The following SRPX2 variants were observed in gnomAD, a reference collection of about 807,000 sequenced individuals.
The protein encoded by SRPX2 is sushi repeat-containing protein SRPX2.
A neutral mutation model predicts 45.3 loss-of-function variants in SRPX2; 26 were observed. The observed-to-expected ratio is 0.57, with a 90% CI of 0.42 to 0.80. The LOEUF is 0.80. Among genes scored for constraint, SRPX2 ranks in the 30% least tolerant of loss-of-function variants. The probability of loss-of-function intolerance (pLI) is 0.00; values close to 1 mark genes in which losing one functional copy is unlikely to be tolerated. For synonymous variants in SRPX2, 125 were observed against 143.7 expected (o/e 0.87, Z 0.93); for missense variants, 355 against 399.8 (o/e 0.89, Z 0.95).
intron 3 of SRPX2, among the ~76,000 whole-genome samples, chrX:100,656,997 G>T (rs1411588739): frequency 9.1e-6 from 1 of 109,469 alleles, no homozygotes; most frequent in Non-Finnish European, 1.9e-5. Context: ...GCGCCATCTC[G>T]GCTCACTGCA....
chrX:100,668,546 C>T (rs1261192938), intron 9 of SRPX2, among the ~76,000 whole-genome samples: 2 of 110,517 alleles, frequency 1.8e-5, no homozygotes, highest in African/African-American at 6.6e-5. Context: ...GGTGGGGTGC[C>T]GGGGAGTATT....
At chrX:100,655,609 T>A (rs2083166057) in intron 3 of SRPX2, among the ~76,000 whole-genome samples, 2 of 111,138 alleles carry the variant, frequency 1.8e-5, no homozygotes, top group South Asian at 7.7e-4. Flanking sequence ...TGGGTTCAAA[T>A]TTCAGCTCTA....
chrX:100,660,031 C>T (rs1418120801), intron 3 of SRPX2, among the ~76,000 whole-genome samples: 2 of 111,435 alleles, frequency 1.8e-5, no homozygotes, highest in Non-Finnish European at 3.8e-5. Context: ...AGCCTTATAA[C>T]CTTTTGTGCT....
intron 2 of SRPX2, among the ~76,000 whole-genome samples, chrX:100,648,180 A>C (rs916658166): frequency 2.1e-4 from 24 of 112,799 alleles, no homozygotes; most frequent in African/African-American, 7.7e-4. Context: ...AAAGTTAAGA[A>C]TATAAATAAA....
At chrX:100,650,689 C>G in intron 2 of SRPX2, 96 bp from the exon 3 acceptor site, 2 of 822,067 alleles carry the variant, frequency 2.4e-6, no homozygotes, top group South Asian at 4.2e-5. Context: ...ATGCCATGTC[C>G]TAAGGAAGTG....
intron 5 of SRPX2, 101 bp from the exon 6 acceptor site, chrX:100,665,142 A>G: frequency 8.7e-7 from 1 of 1,147,300 alleles, no homozygotes; most frequent in South Asian, 1.9e-5. Flanking sequence ...GAGCACCTTG[A>G]ACTTTTTATC....
At chrX:100,665,171 A>G in intron 5 of SRPX2, 72 bp from the exon 6 acceptor site, 1 of 1,191,574 alleles carries the variant, frequency 8.4e-7, no homozygotes. Flanking sequence ...GGTGTGTGGC[A>G]TTGCTTCAGT....
At position 100,666,630 on chromosome X, in the gene SRPX2, C is replaced by T. The variant is rs2083205289; in HGVS notation, c.782-124C>T. On this transcript the variant is annotated intron_variant, in intron 7 of 10. Transcript: ENST00000373004. Reference sequence around the variant, plus strand: ...GCTCTATCCCCAGCCAGTGGAAATACAGAAAAGCCATTTTTCTGATCATCC... The same window carrying T: ...GCTCTATCCCCAGCCAGTGGAAATATAGAAAAGCCATTTTTCTGATCATCC... 9 of 899,395 alleles carry T rather than the reference C, an allele frequency of 1.0e-5. No homozygotes were observed. The East Asian group carries it at 1.6e-4, about 16-fold the overall frequency. The allele number at this position is 899,395 out of a possible 1,213,427, so 74.1% of individuals were successfully genotyped here.
chrX:100,667,340 G>C lies in SRPX2; in HGVS notation c.1028G>C (p.Arg343Pro). 2 of 1,211,210 alleles carry C rather than the reference G, an allele frequency of 1.7e-6. No homozygotes were observed. The highest frequency in any genetic ancestry group is 2.2e-6 in the Non-Finnish European group (2 of 895,139). ...GLLDQFYEKQ[R>P]LLIISAPDPS... is the part of the protein sequence containing the mutation. The stretch of plus-strand genomic sequence containing the variant: ...TTGGATCAATTCTATGAGAAACAGC[G>C]ACTCCTCATCATCTCAGCTCCTGAT... The change falls in exon 9 of 11, where the codon CGA becomes CCA. Residue 343 changes from arginine (R) to proline (P), a missense_variant. By Grantham distance (103) the Arg-to-Pro change is moderately radical. Coordinates refer to ENST00000373004, the MANE Select transcript of SRPX2 (RefSeq NM_014467.3).
Position 100,670,817 on chromosome X carries a change from C to T in SRPX2, c.1228C>T (p.Arg410Cys), listed in dbSNP as rs764333178. Reference sequence around the variant, plus strand: ...GGCTGTTCTCTCTAGGCAATTTCAGCGCCTCACTCGCTCCTACTTCAACAT... The same window carrying T: ...GGCTGTTCTCTCTAGGCAATTTCAGTGCCTCACTCGCTCCTACTTCAACAT... ...NIIEELRQFQ[R>C]LTRSYFNMVL... The change falls in exon 11 of 11, where the codon CGC becomes TGC. Residue 410 changes from arginine to cysteine, a missense_variant. Coordinates refer to ENST00000373004, the MANE Select transcript of SRPX2 (RefSeq NM_014467.3). The T allele has an allele frequency of 7.4e-6, 9 of 1,209,053 alleles. No individual in the cohort carries two copies. The South Asian group carries it at 8.8e-5, about 12-fold the overall frequency.
rs199587932 is a variant in SRPX2 at position 100,654,785 on chromosome X, G to GA, written c.163+3928dup. Among the ~76,000 whole-genome samples, 469 of 110,847 alleles carry GA rather than the reference G, an allele frequency of 4.2e-3. 5 individuals are homozygous for GA. The highest frequency in any genetic ancestry group is 0.015 in the African/African-American group (447 of 30,504). On this transcript the variant is annotated intron_variant, in intron 3 of 10. Transcript: ENST00000373004. ...CTCATTGTTCTAAAAAAGAAGACCA[G>GA]AAAAAAAAGAACAACCAAATCATTA...
At chrX:100,659,791 T>TC (rs1240702486) in intron 3 of SRPX2, among the ~76,000 whole-genome samples, 4 of 64,231 alleles carry the variant, frequency 6.2e-5, no homozygotes, top group African/African-American at 6.0e-5. Flanking sequence ...TTTTTTTTTT[T>TC]CAAAGCTTTT....
intron 3 of SRPX2, among the ~76,000 whole-genome samples, chrX:100,660,739 G>T (rs943321758): frequency 3.6e-5 from 4 of 111,224 alleles, no homozygotes; most frequent in African/African-American, 6.6e-5. Flanking sequence ...TACTCGGGAG[G>T]CTGAGGCAGG....
At chrX:100,661,401 T>C (rs1277433201) in intron 3 of SRPX2, among the ~76,000 whole-genome samples, 1 of 112,884 alleles carries the variant, frequency 8.9e-6, no homozygotes, top group Non-Finnish European at 1.9e-5. Flanking sequence ...GTCCCTTTTA[T>C]GGCTTTGTCT....
At position 100,673,904 on chromosome X, in the gene SRPX2, T is replaced by C. The variant is rs1265218665; in HGVS notation, c.*2917T>C. Reference sequence around the variant, plus strand: ...TTGGAGAAATTAAAGAAATAGTATATGAAGCCTTGCACATAAAAAGCATTT... The same window carrying C: ...TTGGAGAAATTAAAGAAATAGTATACGAAGCCTTGCACATAAAAAGCATTT... On this transcript the variant is annotated 3_prime_UTR_variant, in exon 11 of 11. Coordinates refer to ENST00000373004, the MANE Select transcript of SRPX2 (RefSeq NM_014467.3). 8.9e-6 allele frequency: 1 copy of C among 111,893 alleles called. No homozygotes were observed. Among genetic ancestry groups the C allele is most frequent in the Non-Finnish European group, 1.9e-5 (1 of 53,205 alleles). 9.2% of individuals were successfully genotyped at this position (111,893 alleles called of 1,213,427 possible).
At chrX:100,669,422 G>GGGGGGC in intron 10 of SRPX2, 53 bp downstream of exon 10, 3 of 319,098 alleles carry the variant, frequency 9.4e-6, no homozygotes, top group Non-Finnish European at 1.8e-5. Flanking sequence ...GGGGCGGGGG[G>GGGGGGC]AGAAACCCTA....
intron 9 of SRPX2, among the ~76,000 whole-genome samples, 191 bp downstream of exon 9, chrX:100,667,598 TC>T: frequency 8.9e-6 from 1 of 112,514 alleles, no homozygotes. Context: ...GGCAATAAAG[TC>T]ACTGGAGTGG....
In SRPX2 at chrX:100,650,862, C is replaced by A. The variant is rs772122754; in HGVS notation, c.160C>A (p.Arg54=). The A allele has an allele frequency of 1.7e-5, 20 of 1,205,350 alleles. No homozygotes were observed. The Admixed American group carries it at 4.1e-4, about 25-fold the overall frequency. The change falls in exon 3 of 11, where the codon CGA becomes AGA. Residue 54 remains arginine, a synonymous_variant. Transcript: ENST00000373004. ...EVPQAPALDY[R]VPRWCYTLNI... is the part of the protein sequence containing the mutation. ...CCCACAGGCTCCTGCCCTGGACTAC[C>A]GAGGTAATCTACCCTGCTTCTCAAG...
intron 3 of SRPX2, among the ~76,000 whole-genome samples, chrX:100,652,410 C>T (rs760449445): frequency 3.6e-5 from 4 of 112,028 alleles, no homozygotes; most frequent in East Asian, 5.6e-4. Flanking sequence ...GCCCTACAGG[C>T]GGCGGAAGGA....
Sources: allele counts gnomAD v4.1 joint callset (sites outside exome capture counted in the v4.1 genomes callset), GRCh38; gene constraint gnomAD v4.1.1; transcripts MANE v1.5; gene names NCBI Gene and HGNC (gene_info 2026-07-23, HGNC 2026-07-21).